Variants in ARHGAP12 observed in about 807,000 individuals in gnomAD.
ARHGAP12 encodes rho GTPase-activating protein 12.
ARHGAP12 carries 64 observed loss-of-function variants against 108.6 expected under a neutral mutation model. That is an observed-to-expected ratio of 0.59 (90% CI 0.48 to 0.73). The LOEUF (loss-of-function observed/expected upper bound fraction) is 0.73, where lower values mean the gene tolerates loss of function less well. ARHGAP12 is among the 30% of genes least tolerant of loss of function. The probability of loss-of-function intolerance (pLI) is 0.00; values close to 1 mark genes in which losing one functional copy is unlikely to be tolerated. For missense variants in ARHGAP12, 940 were observed against 1,005.9 expected (o/e 0.93, Z 0.89); for synonymous variants, 312 against 337.2 (o/e 0.93, Z 0.82).
intron 6 of ARHGAP12, among the ~76,000 whole-genome samples, chr10:31,847,965 G>C (rs1396075134): frequency 6.6e-6 from 1 of 152,148 alleles, no homozygotes; most frequent in Non-Finnish European, 1.5e-5. Flanking sequence ...AGATTTCTGG[G>C]TTGGCTAAAA....
chr10:31,840,140 T>C (rs1328345448), intron 7 of ARHGAP12, among the ~76,000 whole-genome samples: 3 of 152,000 alleles, frequency 2.0e-5, no homozygotes, highest in African/African-American at 4.8e-5. Flanking sequence ...CCTTAGCAAA[T>C]GCCAGAATGA....
intron 3 of ARHGAP12, among the ~76,000 whole-genome samples, chr10:31,907,427 C>T (rs1013049379): frequency 6.6e-6 from 1 of 150,526 alleles, no homozygotes; most frequent in Admixed American, 6.6e-5. Flanking sequence ...CAGGAAGTGA[C>T]CAGCCTGGGC....
At chr10:31,861,362 G>A in intron 4 of ARHGAP12, 33 bp downstream of exon 4, 1 of 1,556,970 alleles carries the variant, frequency 6.4e-7, no homozygotes, top group Non-Finnish European at 8.6e-7. Context: ...AGAAAATCTG[G>A]TAACTTGCAG....
intron 9 of ARHGAP12, among the ~76,000 whole-genome samples, chr10:31,834,737 G>A (rs1194341085): frequency 6.6e-6 from 1 of 152,134 alleles, no homozygotes; most frequent in Non-Finnish European, 1.5e-5. Flanking sequence ...ATACATATAT[G>A]ATGAAGTAAT....
intron 3 of ARHGAP12, among the ~76,000 whole-genome samples, chr10:31,868,036 C>T (rs572441586): frequency 6.6e-6 from 1 of 152,098 alleles, no homozygotes; most frequent in South Asian, 2.1e-4. Context: ...CCCATCTCTA[C>T]TAAAAATACA....
chr10:31,928,734 G>A lies in ARHGAP12; in HGVS notation c.-162C>T, dbSNP rs1423207263. The stretch of plus-strand genomic sequence containing the variant: ...CGGCTCCCTTCTTAGTCCGCCCCGC[G>A]GCTGCGGGTCGACGACGCGAGCCCG... On this transcript the variant is annotated 5_prime_UTR_variant, in exon 1 of 20. Transcript: ENST00000344936. 1.3e-5 allele frequency: 2 copies of A among 151,830 alleles called. No individual in the cohort carries two copies. Among genetic ancestry groups the A allele is most frequent in the Non-Finnish European group, 2.9e-5 (2 of 67,932 alleles). The allele number at this position is 151,830 out of a possible 1,614,324, so 9.4% of individuals were successfully genotyped here.
intron 3 of ARHGAP12, among the ~76,000 whole-genome samples, chr10:31,897,566 C>T (rs904873426): frequency 6.6e-6 from 1 of 152,084 alleles, no homozygotes; most frequent in African/African-American, 2.4e-5. Context: ...TAAGGAAAAT[C>T]TCTTAGAGAC....
At chr10:31,899,212 C>T (rs1481680054) in intron 3 of ARHGAP12, among the ~76,000 whole-genome samples, 2 of 152,142 alleles carry the variant, frequency 1.3e-5, no homozygotes, top group Admixed American at 6.6e-5. Context: ...TAGAAAACTA[C>T]AAAACTCTAA....
chr10:31,873,342 GA>G (rs953615143), intron 3 of ARHGAP12, among the ~76,000 whole-genome samples: 5 of 152,236 alleles, frequency 3.3e-5, no homozygotes, highest in Admixed American at 6.5e-5. Flanking sequence ...ATGTACAGTT[GA>G]AAAAGTAGAT....
chr10:31,862,699 CACACA>C (rs1564397073), intron 3 of ARHGAP12, among the ~76,000 whole-genome samples: 45 of 55,200 alleles, frequency 8.2e-4, no homozygotes, highest in African/African-American at 4.2e-3. Context: ...GGCGCATGCA[CACACA>C]GACACACACA....
chr10:31,884,201 CTATTGA>C (rs1159767841), intron 3 of ARHGAP12, among the ~76,000 whole-genome samples: 2 of 150,430 alleles, frequency 1.3e-5, no homozygotes, highest in South Asian at 2.1e-4. Context: ...GAGTTCATAT[CTATTGA>C]TATTTAGTAT....
chr10:31,876,511 AAAAAACAAAAAC>A (rs1185321639), intron 3 of ARHGAP12, among the ~76,000 whole-genome samples: 7 of 150,996 alleles, frequency 4.6e-5, no homozygotes, highest in East Asian at 2.0e-4. Flanking sequence ...TCCATCTCAA[AAAAAACAAAAAC>A]AAAAACAAAA....
intron 6 of ARHGAP12, among the ~76,000 whole-genome samples, chr10:31,846,211 A>G (rs1836456578): frequency 6.6e-6 from 1 of 152,240 alleles, no homozygotes; most frequent in African/African-American, 2.4e-5. Context: ...TCACTACTGT[A>G]TATCAGGACT....
At chr10:31,878,781 A>G (rs1837830445) in intron 3 of ARHGAP12, among the ~76,000 whole-genome samples, 1 of 152,192 alleles carries the variant, frequency 6.6e-6, no homozygotes. Flanking sequence ...CAAAACCTAA[A>G]ATGTTTGTTA....
rs769644297 is a variant in ARHGAP12, at chr10:31,854,195, C to T, written c.960G>A (p.Ser320=). 1.8e-4 allele frequency: 288 copies of T among 1,604,008 alleles called. No individual in the cohort carries two copies. The highest frequency in any genetic ancestry group is 2.4e-4 in the Non-Finnish European group (279 of 1,177,338). The change falls in exon 5 of 20, where the codon TCG becomes TCA. Residue 320 remains serine, a synonymous_variant. Coordinates refer to ENST00000344936, the MANE Select transcript of ARHGAP12 (RefSeq NM_018287.7). The stretch of plus-strand genomic sequence containing the variant: ...AAGAAGTGCTGTAGTAGTTTTCTTC[C>T]GATGAAAGAAGCTACAAATAGTCAG... The part of the protein sequence containing the change: ...QNPGDQELLS[S]EENYYSTSYS...
At position 31,820,913 on chromosome 10, in the gene ARHGAP12, C is replaced by A. The variant is rs190309150; in HGVS notation, c.1531-425G>T. On this transcript the variant is annotated intron_variant, in intron 11 of 19. Coordinates refer to ENST00000344936, the MANE Select transcript of ARHGAP12 (RefSeq NM_018287.7). ...TTGCAAATTTACAAATGCATGTATA[C>A]TTTGGCTTGGCAGTTCTGTATCTTG... Among the ~76,000 whole-genome samples, 18 of 152,064 alleles carry A rather than the reference C, an allele frequency of 1.2e-4. No individual in the cohort carries two copies. The East Asian group carries it at 3.5e-3, about 29-fold the overall frequency.
At chr10:31,899,157 G>T (rs1209021265) in intron 3 of ARHGAP12, among the ~76,000 whole-genome samples, 1 of 152,178 alleles carries the variant, frequency 6.6e-6, no homozygotes, top group Non-Finnish European at 1.5e-5. Context: ...ATGGTTGCTT[G>T]GTGCTGAGGA....
In ARHGAP12 at chr10:31,852,604, AAACAG is replaced by A. The variant is rs746045886; in HGVS notation, c.1090-12_1090-8del. Reference sequence around the variant, plus strand: ...CATCAACATGCTTGAGCCACTATAAAAACAGAACAGGTGTTTTTTATTAAATTTAA... The same window carrying A: ...CATCAACATGCTTGAGCCACTATAAAAACAGGTGTTTTTTATTAAATTTAA... On this transcript the variant is annotated splice_region_variant and splice_polypyrimidine_tract_variant and intron_variant, in intron 5 of 19. Transcript: ENST00000344936. The A allele has an allele frequency of 3.8e-6, 6 of 1,598,032 alleles. No individual in the cohort carries two copies. Among genetic ancestry groups the A allele is most frequent in the East Asian group, 4.5e-5 (2 of 44,718 alleles).
intron 1 of ARHGAP12, among the ~76,000 whole-genome samples, chr10:31,923,132 G>GAAAAAAAAAAAAAAA: frequency 1.2e-5 from 1 of 83,226 alleles, no homozygotes; most frequent in Non-Finnish European, 2.2e-5. Context: ...ACCCTAACAG[G>GAAAAAAAAAAAAAAA]AAAAAAAAAA....
Sources: gnomAD v4.1 joint callset for allele counts (sites outside exome capture counted in the v4.1 genomes callset) on GRCh38, gnomAD v4.1.1 for gene constraint, MANE v1.5 for transcripts, NCBI Gene and HGNC (gene_info 2026-07-23, HGNC 2026-07-21) for gene names.